Variants in RMST observed in about 807,000 individuals in gnomAD.
RMST encodes long intergenic non-protein coding RNA 54.
At chr12:97,521,983 C>T (rs1376779493) in intron 10 of RMST, among the ~76,000 whole-genome samples, 1 of 152,070 alleles carries the variant, frequency 6.6e-6, no homozygotes, top group Non-Finnish European at 1.5e-5. Flanking sequence ...TGTGTTTCTT[C>T]TATTAAAGTG....
At position 97,492,504 on chromosome 12, in the gene RMST, G is replaced by A. The variant is rs866297036; in HGVS notation, n.688G>A. On this transcript the variant is annotated non_coding_transcript_exon_variant, in exon 6 of 14. Transcript: ENST00000640149. ...TGAGTGATGGAATAGGTTGCCAACTGTAGTTACTCCACTCAGCACAGAATG... is the reference window on the plus strand; with the variant it reads ...TGAGTGATGGAATAGGTTGCCAACTATAGTTACTCCACTCAGCACAGAATG... 8 of 157,638 alleles carry A rather than the reference G, an allele frequency of 5.1e-5. No homozygotes were observed. In the South Asian group the frequency reaches 5.5e-4, roughly 11 times the overall value. 9.8% of individuals were successfully genotyped at this position (157,638 alleles called of 1,614,324 possible).
intron 5 of RMST, chr12:97,465,798 A>C (rs1464189988): frequency 2.0e-5 from 3 of 152,160 alleles, no homozygotes. Context: ...TAGCATTGGA[A>C]AACTGCTCTC....
At chr12:97,513,760 G>C (rs553362380) in intron 10 of RMST, among the ~76,000 whole-genome samples, 1 of 152,180 alleles carries the variant, frequency 6.6e-6, no homozygotes, top group Admixed American at 6.5e-5. Context: ...CAATTGGAGT[G>C]TCTTGGGAAG....
intron 5 of RMST, among the ~76,000 whole-genome samples, chr12:97,491,254 C>G (rs368882529): frequency 8.7e-4 from 132 of 152,206 alleles, no homozygotes; most frequent in Admixed American, 5.4e-3. Flanking sequence ...TGATTAGTGT[C>G]GTTTCTATTA....
intron 11 of RMST, among the ~76,000 whole-genome samples, chr12:97,558,021 C>T (rs1000496191): frequency 2.6e-5 from 4 of 152,120 alleles, no homozygotes; most frequent in East Asian, 1.9e-4. Context: ...ACAATCTATT[C>T]GTTGCAATCG....
intron 5 of RMST, among the ~76,000 whole-genome samples, chr12:97,476,249 TA>T (rs1202141773): frequency 1.3e-5 from 2 of 151,916 alleles, no homozygotes; most frequent in Non-Finnish European, 2.9e-5. Flanking sequence ...TGATAAAGAA[TA>T]AAAAAAAGAG....
chr12:97,466,986 G>C (rs764861729), intron 5 of RMST, among the ~76,000 whole-genome samples: 2 of 152,000 alleles, frequency 1.3e-5, no homozygotes, highest in African/African-American at 2.4e-5. Context: ...ATAGTTTGTA[G>C]TTTAAGGAGA....
chr12:97,537,595 T>G (rs1340737504), intron 11 of RMST, among the ~76,000 whole-genome samples: 1 of 151,428 alleles, frequency 6.6e-6, no homozygotes, highest in East Asian at 1.9e-4. Flanking sequence ...CAGTGTTAAT[T>G]GATGCAGCTG....
intron 10 of RMST, among the ~76,000 whole-genome samples, chr12:97,524,159 T>C (rs1020898544): frequency 4.6e-5 from 7 of 151,524 alleles, no homozygotes; most frequent in African/African-American, 1.7e-4. Flanking sequence ...ATGTCATTCT[T>C]TCTGTAACAT....
At chr12:97,488,557 C>A (rs182835366) in intron 5 of RMST, among the ~76,000 whole-genome samples, 31 of 152,282 alleles carry the variant, frequency 2.0e-4, no homozygotes, top group African/African-American at 6.5e-4. Context: ...CTCTTCACTG[C>A]TAGCTCCTTG....
chr12:97,513,491 G>A (rs927037765), intron 10 of RMST, among the ~76,000 whole-genome samples: 2 of 152,156 alleles, frequency 1.3e-5, no homozygotes, highest in South Asian at 4.1e-4. Context: ...GTTGAAGATG[G>A]AGAGGGAGAG....
At chr12:97,561,629 CTTTTTTTTTTT>C (rs9331504) in intron 13 of RMST, among the ~76,000 whole-genome samples, 2 of 56,684 alleles carry the variant, frequency 3.5e-5, no homozygotes, top group African/African-American at 1.5e-4. Context: ...AGTTTGAAGG[CTTTTTTTTTTT>C]TTTTTTTTTT....
chr12:97,523,821 C>A (rs965984558), intron 10 of RMST, among the ~76,000 whole-genome samples: 1 of 151,926 alleles, frequency 6.6e-6, no homozygotes, highest in African/African-American at 2.4e-5. Flanking sequence ...CTCATGCCTG[C>A]AATCCCAGCA....
chr12:97,477,867 T>C (rs527466676), intron 5 of RMST, among the ~76,000 whole-genome samples: 4 of 152,348 alleles, frequency 2.6e-5, no homozygotes, highest in Non-Finnish European at 4.4e-5. Context: ...TGCCAGTTCT[T>C]TGAGGTCATT....
chr12:97,546,368 G>T (rs1435477657), intron 11 of RMST, among the ~76,000 whole-genome samples: 2 of 152,076 alleles, frequency 1.3e-5, no homozygotes, highest in African/African-American at 4.8e-5. Context: ...GATCACTTGA[G>T]GTCAGGAGTT....
intron 11 of RMST, among the ~76,000 whole-genome samples, chr12:97,531,518 G>T (rs1307507226): frequency 6.6e-6 from 1 of 151,984 alleles, no homozygotes; most frequent in Non-Finnish European, 1.5e-5. Context: ...TTTCCCAAAT[G>T]ATAGTCTTCC....
intron 11 of RMST, among the ~76,000 whole-genome samples, chr12:97,559,108 C>T (rs151065297): frequency 1.3e-5 from 2 of 152,046 alleles, no homozygotes; most frequent in East Asian, 3.9e-4. Context: ...CTCTCTCTCT[C>T]TCTCTCTCTC....
At chr12:97,556,347 G>A (rs1023987845) in intron 11 of RMST, among the ~76,000 whole-genome samples, 1 of 152,168 alleles carries the variant, frequency 6.6e-6, no homozygotes, top group Admixed American at 6.6e-5. Context: ...CCCCTAGAAA[G>A]GAAGGGAGTC....
chr12:97,526,403 C>G (rs957836034), intron 10 of RMST, among the ~76,000 whole-genome samples: 2 of 152,114 alleles, frequency 1.3e-5, no homozygotes, highest in African/African-American at 2.4e-5. Context: ...ATATAACATA[C>G]TTTATTTAAC....
Sources: allele counts gnomAD v4.1 joint callset (sites outside exome capture counted in the v4.1 genomes callset), GRCh38; gene constraint gnomAD v4.1.1; transcripts MANE v1.5; gene names NCBI Gene and HGNC (gene_info 2026-07-23, HGNC 2026-07-21).